The following TMEM245 variants were observed in gnomAD, a reference collection of about 807,000 sequenced individuals.
TMEM245 encodes protein CG-2.
TMEM245 carries 69 observed loss-of-function variants against 101.2 expected under a neutral mutation model. That is an observed-to-expected ratio of 0.68 (90% CI 0.56 to 0.83). The LOEUF is 0.83. Among genes scored for constraint, TMEM245 ranks in the 40% least tolerant of loss-of-function variants. TMEM245 has a pLI of 0.00. For missense variants in TMEM245, 1,075 were observed against 1,092.8 expected (o/e 0.98, Z 0.23); for synonymous variants, 537 against 449.8 (o/e 1.19, Z -2.45).
At chr9:109,068,278 G>A (rs1829229801) in intron 9 of TMEM245, among the ~76,000 whole-genome samples, 1 of 151,766 alleles carries the variant, frequency 6.6e-6, no homozygotes, top group Non-Finnish European at 1.5e-5. Flanking sequence ...GCTGAGGCAG[G>A]AGAATGGCGT....
At chr9:109,078,027 G>C (rs1439695180) in intron 8 of TMEM245, among the ~76,000 whole-genome samples, 1 of 152,046 alleles carries the variant, frequency 6.6e-6, no homozygotes, top group Non-Finnish European at 1.5e-5. Flanking sequence ...GCAAATTTTA[G>C]TATACCATTT....
rs112913824 is a variant in TMEM245 at position 109,083,588 on chromosome 9, C to T, written c.1344+2409G>A. Among the ~76,000 whole-genome samples, 145 of 152,080 alleles carry T rather than the reference C, an allele frequency of 9.5e-4. 1 individual carries two copies. Among genetic ancestry groups the T allele is most frequent in the African/African-American group, 3.2e-3 (134 of 41,498 alleles). On this transcript the variant is annotated intron_variant, in intron 7 of 17. Coordinates refer to ENST00000374586, the MANE Select transcript of TMEM245 (RefSeq NM_032012.4). ...AGATGTCAGTAAATTTATAGTTACA[C>T]CAAAAGATACTCTAAAACTTCTACA... is the stretch of plus-strand genomic sequence containing the variant.
At chr9:109,048,880 G>T (rs545845978) in intron 14 of TMEM245, among the ~76,000 whole-genome samples, 10 of 152,322 alleles carry the variant, frequency 6.6e-5, no homozygotes, top group African/African-American at 2.4e-4. Flanking sequence ...AACCTCCAGT[G>T]CATACAGAGC....
chr9:109,078,734 T>C (rs2132513101), intron 8 of TMEM245, among the ~76,000 whole-genome samples: 1 of 152,362 alleles, frequency 6.6e-6, no homozygotes, highest in Non-Finnish European at 1.5e-5. Context: ...TGTGTTTGTG[T>C]ATGCTTATTC....
intron 12 of TMEM245, among the ~76,000 whole-genome samples, chr9:109,052,475 C>T (rs971139040): frequency 1.6e-4 from 25 of 152,160 alleles, no homozygotes; most frequent in Non-Finnish European, 2.6e-4. Flanking sequence ...GTCATATGTC[C>T]ATCTGTTCTA....
In TMEM245 at chr9:109,016,658, G is replaced by GTTTT. The variant is rs60869717; in HGVS notation, c.*3798_*3801dup. The GTTTT allele has an allele frequency of 8.0e-6, 1 of 124,726 alleles. No homozygotes were observed. The highest frequency in any genetic ancestry group is 1.7e-5 in the Non-Finnish European group (1 of 58,504). The allele number at this position is 124,726 out of a possible 1,614,324, so 7.7% of individuals were successfully genotyped here. ...AACAGTGGCTGCAGACAGCATGTGT[G>GTTTT]TTTTTTTTTTTTTTTTTTTTTGCAG... On this transcript the variant is annotated 3_prime_UTR_variant, in exon 18 of 18. Transcript: ENST00000374586.
At chr9:109,107,398 C>CA (rs5899836) in intron 2 of TMEM245, among the ~76,000 whole-genome samples, 22 of 100,736 alleles carry the variant, frequency 2.2e-4, no homozygotes, top group South Asian at 3.5e-4. Flanking sequence ...GACTCTGTCT[C>CA]AAAAAAAAAA....
chr9:109,075,044 G>GT (rs1829456887), intron 8 of TMEM245, among the ~76,000 whole-genome samples: 6 of 152,168 alleles, frequency 3.9e-5, no homozygotes, highest in Admixed American at 3.9e-4. Flanking sequence ...GATGTTTAAA[G>GT]TAAGTTTGGA....
intron 1 of TMEM245, among the ~76,000 whole-genome samples, chr9:109,110,168 C>A (rs1830530560): frequency 6.6e-6 from 1 of 152,000 alleles, no homozygotes; most frequent in Admixed American, 6.5e-5. Context: ...ACCAATTAAC[C>A]CTGGGAATTC....
At chr9:109,111,794 C>T (rs976175793) in intron 1 of TMEM245, among the ~76,000 whole-genome samples, 5 of 152,038 alleles carry the variant, frequency 3.3e-5, no homozygotes, top group African/African-American at 7.3e-5. Flanking sequence ...TCAATTTATT[C>T]GTGTGTAAAT....
chr9:109,048,816 A>T (rs752018690), intron 14 of TMEM245, among the ~76,000 whole-genome samples: 4 of 152,266 alleles, frequency 2.6e-5, no homozygotes, highest in Non-Finnish European at 4.4e-5. Context: ...ATTCAGAAAC[A>T]AAGCCTGTAA....
intron 12 of TMEM245, among the ~76,000 whole-genome samples, chr9:109,056,987 C>T (rs1038272116): frequency 2.0e-5 from 3 of 152,304 alleles, no homozygotes; most frequent in South Asian, 2.1e-4. Flanking sequence ...AGTTACTCTA[C>T]AACCACAGGG....
intron 17 of TMEM245, among the ~76,000 whole-genome samples, chr9:109,021,811 C>T (rs936720292): frequency 1.3e-5 from 2 of 152,004 alleles, no homozygotes; most frequent in Non-Finnish European, 2.9e-5. Flanking sequence ...CCACCACCAC[C>T]ACCCCCCCAA....
At chr9:109,063,871 T>C (rs183052437) in intron 10 of TMEM245, among the ~76,000 whole-genome samples, 2 of 152,352 alleles carry the variant, frequency 1.3e-5, no homozygotes, top group African/African-American at 2.4e-5. Context: ...TCAAGGTTTA[T>C]CTCAAGTGCC....
chr9:109,022,834 A>T (rs1827671528), intron 17 of TMEM245, among the ~76,000 whole-genome samples: 1 of 152,238 alleles, frequency 6.6e-6, no homozygotes, highest in South Asian at 2.1e-4. Flanking sequence ...TAATACTACA[A>T]AGCATTTTCT....
intron 8 of TMEM245, among the ~76,000 whole-genome samples, chr9:109,075,820 ATT>A (rs1450959757): frequency 6.6e-6 from 1 of 152,018 alleles, no homozygotes; most frequent in Non-Finnish European, 1.5e-5. Context: ...TGTTTTCACT[ATT>A]GTTTCTCCTT....
chr9:109,022,051 A>G (rs537272378), intron 17 of TMEM245, among the ~76,000 whole-genome samples: 1 of 152,280 alleles, frequency 6.6e-6, no homozygotes, highest in African/African-American at 2.4e-5. Flanking sequence ...CTCAATTCAT[A>G]TAAATATTTA....
chr9:109,110,193 C>T (rs567239750), intron 1 of TMEM245, among the ~76,000 whole-genome samples: 1 of 152,132 alleles, frequency 6.6e-6, no homozygotes, highest in Non-Finnish European at 1.5e-5. Flanking sequence ...AATTTGAGAT[C>T]TGATTGCAGA....
intron 9 of TMEM245, among the ~76,000 whole-genome samples, chr9:109,067,486 T>C (rs767745800): frequency 2.0e-5 from 3 of 152,158 alleles, no homozygotes; most frequent in Non-Finnish European, 4.4e-5. Flanking sequence ...TTAATCTCTA[T>C]CACCTACTAC....
Sources: gnomAD v4.1 joint callset for allele counts (sites outside exome capture counted in the v4.1 genomes callset) on GRCh38, gnomAD v4.1.1 for gene constraint, MANE v1.5 for transcripts, NCBI Gene and HGNC (gene_info 2026-07-23, HGNC 2026-07-21) for gene names.